PCDHA6: variants seen among roughly 807,000 people sequenced by gnomAD.
PCDHA6 encodes protocadherin alpha 6.
A neutral mutation model predicts 60.3 loss-of-function variants in PCDHA6; 55 were observed. The ratio of observed to expected loss-of-function variants is 0.91; its 90% confidence interval spans 0.73 to 1.14. The LOEUF is 1.14. Among genes scored for constraint, PCDHA6 ranks in the 50% most tolerant of loss-of-function variants. The pLI, the probability that PCDHA6 is intolerant of heterozygous loss-of-function variation, is 0.00. For missense variants in PCDHA6, 1,327 were observed against 1,256.5 expected (o/e 1.06, Z -0.85); for synonymous variants, 652 against 557.9 (o/e 1.17, Z -2.38).
chr5:140,880,327 T>C (rs2058305796), intron 1 of PCDHA6, among the ~76,000 whole-genome samples: 1 of 152,118 alleles, frequency 6.6e-6, no homozygotes, highest in African/African-American at 2.4e-5. Context: ...AATAAGATAC[T>C]AAAAATAAGA....
At chr5:140,882,717 C>T (rs1311295002) in intron 1 of PCDHA6, 1 of 1,614,102 alleles carries the variant, frequency 6.2e-7, no homozygotes, top group Non-Finnish European at 8.5e-7. Context: ...CCTCCGGAAA[C>T]TCGATTTCCA....
chr5:141,000,417 A>ATTT (rs1563652061), intron 3 of PCDHA6, among the ~76,000 whole-genome samples: 30 of 77,716 alleles, frequency 3.9e-4, no homozygotes, highest in South Asian at 4.7e-4. Flanking sequence ...ATATATATAT[A>ATTT]TATATTTTTT....
rs2098419589 is a variant in PCDHA6 at position 141,011,142 on chromosome 5, C to A, written c.*1205C>A. 1 of 153,660 alleles carries A rather than the reference C, an allele frequency of 6.5e-6. No individual in the cohort carries two copies. The highest frequency in any genetic ancestry group is 2.1e-4 in the South Asian group (1 of 4,820). 9.5% of individuals were successfully genotyped at this position (153,660 alleles called of 1,614,324 possible). On this transcript the variant is annotated 3_prime_UTR_variant, in exon 4 of 4. Transcript: ENST00000529310. ...CAATTATGTGCACTTTGATACACAA[C>A]CTTCTCTAACCAACTATATATCAAG...
chr5:140,945,201 T>G (rs1168662297), intron 1 of PCDHA6, among the ~76,000 whole-genome samples: 1 of 152,172 alleles, frequency 6.6e-6, no homozygotes, highest in Middle Eastern at 3.4e-3. Context: ...CTATTTACAA[T>G]AGCTATGAGA....
At chr5:140,882,577 C>A (rs370671644) in intron 1 of PCDHA6, 3 of 1,614,238 alleles carry the variant, frequency 1.9e-6, no homozygotes, top group South Asian at 2.2e-5. Flanking sequence ...CGGAGTGCAG[C>A]ATCCACCTGG....
chr5:140,961,263 T>A (rs782231630), intron 1 of PCDHA6, among the ~76,000 whole-genome samples: 1 of 152,218 alleles, frequency 6.6e-6, no homozygotes, highest in Non-Finnish European at 1.5e-5. Flanking sequence ...TCCAGGAAGC[T>A]TCTTTTTACC....
chr5:141,009,923 A>T lies in PCDHA6; in HGVS notation c.2839A>T (p.Asn947Tyr), dbSNP rs1463725058. The change falls in exon 4 of 4, where the codon AAC becomes TAC. Residue 947 changes from asparagine (N) to tyrosine (Y), a missense_variant. By Grantham distance (143) the Asn-to-Tyr change is moderately radical. Coordinates refer to ENST00000529310, the MANE Select transcript of PCDHA6 (RefSeq NM_018909.4). ...KKEKGNSTTD[N>Y]SDQ ...AGAGAAAGGGAACAGCACGACTGAC[A>T]ACAGTGACCAGTGAGGTCCTCAAAT... 6.2e-7 allele frequency: 1 copy of T among 1,608,790 alleles called. No homozygotes were observed. The highest frequency in any genetic ancestry group is 8.5e-7 in the Non-Finnish European group (1 of 1,178,528).
chr5:140,966,945 A>C, intron 1 of PCDHA6: 1 of 1,603,804 alleles, frequency 6.2e-7, no homozygotes, highest in Non-Finnish European at 8.5e-7. Context: ...CTCGTGGGCA[A>C]CGTGGCTCGC....
intron 1 of PCDHA6, among the ~76,000 whole-genome samples, chr5:140,977,932 C>T (rs2096781582): frequency 6.6e-6 from 1 of 151,944 alleles, no homozygotes; most frequent in Non-Finnish European, 1.5e-5. Flanking sequence ...TCAACTATAC[C>T]TCAATATTCA....
intron 1 of PCDHA6, chr5:140,883,026 A>C (rs1562783010): frequency 6.2e-7 from 1 of 1,614,190 alleles, no homozygotes; most frequent in Non-Finnish European, 8.5e-7. Context: ...ACGGTGTTAG[A>C]GAACGCCTTC....
At chr5:140,995,393 G>T (rs1267179638) in intron 3 of PCDHA6, among the ~76,000 whole-genome samples, 5 of 152,184 alleles carry the variant, frequency 3.3e-5, no homozygotes, top group Non-Finnish European at 7.3e-5. Flanking sequence ...GATAAAGCGG[G>T]ATGGCTCGAG....
At chr5:140,863,105 A>C (rs1554157760) in intron 1 of PCDHA6, 1 of 581,650 alleles carries the variant, frequency 1.7e-6, no homozygotes, top group Non-Finnish European at 3.4e-6. Flanking sequence ...AGTACCCTGG[A>C]CGAGGCGAAA....
chr5:140,988,387 T>G (rs1337322360), intron 3 of PCDHA6, among the ~76,000 whole-genome samples: 1 of 152,202 alleles, frequency 6.6e-6, no homozygotes, highest in Non-Finnish European at 1.5e-5. Flanking sequence ...CTCATTGTGT[T>G]TGCCAGAGTT....
intron 1 of PCDHA6, chr5:140,870,518 A>G: frequency 6.2e-7 from 1 of 1,614,230 alleles, no homozygotes; most frequent in Admixed American, 1.7e-5. Context: ...CCAGGCTGCC[A>G]CATCTTCACA....
intron 1 of PCDHA6, among the ~76,000 whole-genome samples, chr5:140,885,118 C>CT (rs782576516): frequency 6.6e-6 from 1 of 152,022 alleles, no homozygotes; most frequent in Non-Finnish European, 1.5e-5. Context: ...TTTAAGTGCA[C>CT]TTTTCTTTCT....
intron 1 of PCDHA6, among the ~76,000 whole-genome samples, chr5:140,886,582 C>A (rs1304608793): frequency 6.6e-6 from 1 of 151,938 alleles, no homozygotes; most frequent in African/African-American, 2.4e-5. Flanking sequence ...AATCCCAGCA[C>A]TTTGGGAGGC....
chr5:140,884,048 G>A (rs2059957630), intron 1 of PCDHA6: 1 of 1,613,500 alleles, frequency 6.2e-7, no homozygotes, highest in African/African-American at 1.3e-5. Flanking sequence ...GGTGGCGAAG[G>A]TGCGCGCGGT....
intron 1 of PCDHA6, chr5:140,841,417 C>G (rs2150314997): frequency 2.5e-6 from 4 of 1,613,050 alleles, no homozygotes; most frequent in Non-Finnish European, 3.4e-6. Flanking sequence ...GCCAGCTCCA[C>G]TACTCCGTCC....
intron 1 of PCDHA6, among the ~76,000 whole-genome samples, chr5:140,919,978 A>C (rs993704497): frequency 7.5e-6 from 1 of 134,032 alleles, no homozygotes; most frequent in Non-Finnish European, 1.7e-5. Flanking sequence ...AAGAGATAGA[A>C]GATGGAAAAC....
Sources: allele counts gnomAD v4.1 joint callset (sites outside exome capture counted in the v4.1 genomes callset), GRCh38; gene constraint gnomAD v4.1.1; transcripts MANE v1.5; gene names NCBI Gene and HGNC (gene_info 2026-07-23, HGNC 2026-07-21).